The following TNFAIP2 variants were observed in gnomAD, a reference collection of about 807,000 sequenced individuals.
TNFAIP2 encodes the protein TNF alpha induced protein 2, also known as tumor necrosis factor alpha-induced protein 2.
In TNFAIP2, 47 loss-of-function variants were observed where a neutral mutation model predicts 63.5. The observed-to-expected ratio is 0.74, with a 90% confidence interval of 0.59 to 0.94. TNFAIP2 has a LOEUF of 0.94. Ranked by LOEUF, TNFAIP2 falls within the 40% of genes least tolerant of loss-of-function variation. The pLI, the probability that TNFAIP2 is intolerant of heterozygous loss-of-function variation, is 0.00. For missense variants in TNFAIP2, 787 were observed against 850.2 expected (o/e 0.93, Z 0.92); for synonymous variants, 405 against 390.2 (o/e 1.04, Z -0.45).
intron 1 of TNFAIP2, among the ~76,000 whole-genome samples, chr14:103,125,298 G>A (rs935311271): frequency 6.6e-6 from 1 of 152,200 alleles, no homozygotes; most frequent in Non-Finnish European, 1.5e-5. Context: ...GCCTTGCTCT[G>A]ACAATGGTCA....
At chr14:103,129,959 AG>A in intron 4 of TNFAIP2, 42 bp from the exon 5 acceptor site, 1 of 1,608,564 alleles carries the variant, frequency 6.2e-7, no homozygotes, top group Non-Finnish European at 8.5e-7. Context: ...CAGGTGAGCG[AG>A]GTGAGGGATA....
At chr14:103,132,289 G>A (rs1448704399) in intron 8 of TNFAIP2, among the ~76,000 whole-genome samples, 4 of 152,162 alleles carry the variant, frequency 2.6e-5, no homozygotes. Flanking sequence ...CTTTAGCAGG[G>A]TGTAAAGTGG....
At position 103,133,737 on chromosome 14, in the gene TNFAIP2, G is replaced by A. The variant is rs201264217; in HGVS notation, c.1757G>A (p.Arg586His). 202 of 1,597,378 alleles carry A rather than the reference G, an allele frequency of 1.3e-4. No individual in the cohort carries two copies. Among genetic ancestry groups the A allele is most frequent in the Non-Finnish European group, 1.5e-4 (171 of 1,176,714 alleles). The change falls in exon 11 of 12, where the codon CGC (arginine) becomes CAC (histidine). Residue 586 changes from arginine (R) to histidine (H), a missense_variant. Coordinates refer to ENST00000560869, the MANE Select transcript of TNFAIP2 (RefSeq NM_006291.4). Reference sequence around the variant, plus strand: ...CTCCCTACGCTGGCCGAGATCATTCGCCTGCAGGACCCCAGTGCCATCAAG... The same window carrying A: ...CTCCCTACGCTGGCCGAGATCATTCACCTGCAGGACCCCAGTGCCATCAAG... ...PALPTLAEII[R>H]LQDPSAIKIE...
chr14:103,122,186 C>T (rs1421275657), upstream of TNFAIP2, among the ~76,000 whole-genome samples: 3 of 152,212 alleles, frequency 2.0e-5, no homozygotes, highest in African/African-American at 7.2e-5. Context: ...CCCGCATCCG[C>T]TCCCCCACAG....
In TNFAIP2 at chr14:103,126,698, C is replaced by G; in HGVS notation, c.235+6C>G. On this transcript the variant is annotated splice_donor_region_variant and intron_variant, in intron 2 of 11. Transcript: ENST00000560869. The stretch of plus-strand genomic sequence containing the variant: ...GGATGGCCCGCCCCCCACAGGTGCT[C>G]TAGGACCCTGGGTTAGAGCTAGTCT... The G allele has an allele frequency of 6.4e-7, 1 of 1,558,490 alleles. No homozygotes were observed. Among genetic ancestry groups the G allele is most frequent in the Non-Finnish European group, 8.7e-7 (1 of 1,150,910 alleles).
At chr14:103,129,013 C>A (rs2087916296) in intron 3 of TNFAIP2, among the ~76,000 whole-genome samples, 1 of 152,222 alleles carries the variant, frequency 6.6e-6, no homozygotes, top group South Asian at 2.1e-4. Flanking sequence ...GAGAGAAGGT[C>A]ATTTGTAAAC....
At position 103,133,530 on chromosome 14, in the gene TNFAIP2, C is replaced by T; in HGVS notation, c.1701+13C>T. ...CTGCACCCAGCACGTAAGCCGCTGC[C>T]CACCTCTCCCAAGCCCCTCTGAAAT... is the stretch of plus-strand genomic sequence containing the variant. On this transcript the variant is annotated intron_variant, in intron 10 of 11. Transcript: ENST00000560869. 1 of 1,612,080 alleles carries T rather than the reference C, an allele frequency of 6.2e-7. No homozygotes were observed. Among genetic ancestry groups the T allele is most frequent in the Non-Finnish European group, 8.5e-7 (1 of 1,178,782 alleles).
chr14:103,121,558 T>G (rs530533520), upstream of TNFAIP2, among the ~76,000 whole-genome samples: 1 of 152,360 alleles, frequency 6.6e-6, no homozygotes, highest in South Asian at 2.1e-4. Flanking sequence ...GCCTCCATGC[T>G]GCCCCATTTT....
At chr14:103,125,413 G>A (rs900883346) in intron 1 of TNFAIP2, among the ~76,000 whole-genome samples, 5 of 152,230 alleles carry the variant, frequency 3.3e-5, no homozygotes, top group African/African-American at 9.6e-5. Context: ...CTCTGGGACC[G>A]GGTGGCCTGA....
chr14:103,131,287 G>C lies in TNFAIP2; in HGVS notation c.1298+137G>C. On this transcript the variant is annotated intron_variant, in intron 7 of 11. Transcript: ENST00000560869. The surrounding 1 kb of genome is among the most constrained non-coding windows in gnomAD (Gnocchi z 4.0). Reference sequence around the variant, plus strand: ...CCAGCAACATGTGTGAGGACTCCACGGCCTGCAGCAGCAGCAGCAAACATT... The same window carrying C: ...CCAGCAACATGTGTGAGGACTCCACCGCCTGCAGCAGCAGCAGCAAACATT... 1.1e-6 allele frequency: 1 copy of C among 912,312 alleles called. No individual in the cohort carries two copies. The highest frequency in any genetic ancestry group is 1.5e-5 in the South Asian group (1 of 65,926). The allele number at this position is 912,312 out of a possible 1,614,324, so 56.5% of individuals were successfully genotyped here. A position where few individuals can be genotyped will look rare whatever the true frequency, so the allele number is the denominator to read the frequency against.
Position 103,135,212 on chromosome 14 carries a change from T to G in TNFAIP2, c.1824-7T>G. On this transcript the variant is annotated splice_region_variant and splice_polypyrimidine_tract_variant and intron_variant, in intron 11 of 11. Transcript: ENST00000560869. This position sits in a 1 kb window ranked among gnomAD's most constrained non-coding sequence, Gnocchi z 7.6. Reference sequence around the variant, plus strand: ...AGGCTGGGCTGACAGGATGCTCTCTTTGCCAGCAAAGGCCACCTGAGCGCT... The same window carrying G: ...AGGCTGGGCTGACAGGATGCTCTCTGTGCCAGCAAAGGCCACCTGAGCGCT... 6.2e-7 allele frequency: 1 copy of G among 1,613,728 alleles called. No individual in the cohort carries two copies.
chr14:103,131,211 C>T lies in TNFAIP2; in HGVS notation c.1298+61C>T. 1 of 1,581,020 alleles carries T rather than the reference C, an allele frequency of 6.3e-7. No homozygotes were observed. Among genetic ancestry groups the T allele is most frequent in the African/African-American group, 1.3e-5 (1 of 74,358 alleles). On this transcript the variant is annotated intron_variant, in intron 7 of 11. Coordinates refer to ENST00000560869, the MANE Select transcript of TNFAIP2 (RefSeq NM_006291.4). The surrounding 1 kb of genome is among the most constrained non-coding windows in gnomAD (Gnocchi z 4.0). ...TCACTCAGCGGGCAGGAGAGGGGAG[C>T]TGGAAGGTGGAGGGAGGAGGAGCTG...
At chr14:103,133,150 ACATGTGAACACGTGAACGCATG>A (rs1193264150) in intron 9 of TNFAIP2, among the ~76,000 whole-genome samples, 190 bp from the exon 10 acceptor site, 6 of 151,506 alleles carry the variant, frequency 4.0e-5, no homozygotes, top group Non-Finnish European at 7.4e-5. Flanking sequence ...GTAAACACAC[ACATGTGAACACGTGAACGCATG>A]CACATGTGAA....
intron 2 of TNFAIP2, 30 bp from the exon 3 acceptor site, chr14:103,126,975 G>T (rs1220431598): frequency 8.0e-7 from 1 of 1,253,276 alleles, no homozygotes. Context: ...GTGGGCTGGG[G>T]CCGGGGCTGA....
Position 103,133,862 on chromosome 14 carries a change from G to T in TNFAIP2, c.1823+59G>T, listed in dbSNP as rs1223702915. On this transcript the variant is annotated intron_variant, in intron 11 of 11. Transcript: ENST00000560869. The stretch of plus-strand genomic sequence containing the variant: ...CATCACTGTGGCCAAGGCCTCACAG[G>T]GCTGGCATTGGGAACCCAGATCCTG... 4 of 1,525,986 alleles carry T rather than the reference G, an allele frequency of 2.6e-6. No homozygotes were observed. The African/African-American group carries it at 5.6e-5, about 21-fold the overall frequency. 94.5% of individuals were successfully genotyped at this position (1,525,986 alleles called of 1,614,324 possible). A position where few individuals can be genotyped will look rare whatever the true frequency, so the allele number is the denominator to read the frequency against.
Position 103,131,204 on chromosome 14 carries a change from AGG to A in TNFAIP2, c.1298+57_1298+58del, listed in dbSNP as rs759135466. 35 of 1,593,640 alleles carry A rather than the reference AGG, an allele frequency of 2.2e-5. No individual in the cohort carries two copies. The highest frequency in any genetic ancestry group is 2.9e-5 in the Non-Finnish European group (34 of 1,162,902). On this transcript the variant is annotated intron_variant, in intron 7 of 11. Transcript: ENST00000560869. The surrounding 1 kb of genome is among the most constrained non-coding windows in gnomAD (Gnocchi z 4.0). ...GTGGGAGTCACTCAGCGGGCAGGAG[AGG>A]GGAGCTGGAAGGTGGAGGGAGGAGG... is the stretch of plus-strand genomic sequence containing the variant.
chr14:103,135,775 CAG>C lies in TNFAIP2; in HGVS notation c.*416_*417del, dbSNP rs905836558. Reference sequence around the variant, plus strand: ...AGGGCCCTCTTCAGCTCTCTGGAGACAGGGGCCGAGCCTCACCCATCTGCCCT... The same window carrying C: ...AGGGCCCTCTTCAGCTCTCTGGAGACGGGCCGAGCCTCACCCATCTGCCCT... On this transcript the variant is annotated 3_prime_UTR_variant, in exon 12 of 12. Coordinates refer to ENST00000560869, the MANE Select transcript of TNFAIP2 (RefSeq NM_006291.4). The surrounding 1 kb of genome is among the most constrained non-coding windows in gnomAD (Gnocchi z 7.6). The C allele has an allele frequency of 6.2e-5, 80 of 1,288,770 alleles. No homozygotes were observed. The Admixed American group carries it at 1.4e-3, about 22-fold the overall frequency. 79.8% of individuals were successfully genotyped at this position (1,288,770 alleles called of 1,614,324 possible). A position where few individuals can be genotyped will look rare whatever the true frequency, so the allele number is the denominator to read the frequency against.
chr14:103,122,455 C>T (rs964640611), upstream of TNFAIP2, among the ~76,000 whole-genome samples: 20 of 152,188 alleles, frequency 1.3e-4, no homozygotes, highest in African/African-American at 3.6e-4. Context: ...CCCTGCCCAG[C>T]GGGAAATTCC....
upstream of TNFAIP2, chr14:103,122,620 G>A (rs907620149): frequency 4.6e-5 from 21 of 455,626 alleles, no homozygotes; most frequent in Middle Eastern, 6.5e-4. Context: ...CTGAGAGACG[G>A]TGTGGATGGG....
Sources: gnomAD v4.1 joint callset for allele counts (sites outside exome capture counted in the v4.1 genomes callset) on GRCh38, gnomAD v4.1.1 for gene constraint, Gnocchi (gnomAD v3.1) non-coding constraint, MANE v1.5 for transcripts, NCBI Gene and HGNC (gene_info 2026-07-23, HGNC 2026-07-21) for gene names.